Variants in TMEM67 observed in about 807,000 individuals in gnomAD.
TMEM67 encodes meckelin.
Under a neutral mutation model 136.6 loss-of-function variants are expected in TMEM67, and 124 were observed. The observed-to-expected ratio is 0.91, with a 90% CI of 0.78 to 1.05. TMEM67 has a LOEUF of 1.05. Ranked by LOEUF, TMEM67 falls within the 50% of genes least tolerant of loss-of-function variation. TMEM67 has a pLI of 0.00. For missense variants in TMEM67, 1,107 were observed against 1,178.4 expected (o/e 0.94, Z 0.89); for synonymous variants, 364 against 390.5 (o/e 0.93, Z 0.80).
chr8:93,826,123 C>CTTTTTT, the TMEM67 span, among the ~76,000 whole-genome samples: 368 of 52,382 alleles, frequency 7.0e-3, 56 homozygotes, highest in East Asian at 0.012. Flanking sequence ...TTAATCATGT[C>CTTTTTT]TTTTTTTTTT....
At chr8:93,826,277 C>T in the TMEM67 span, among the ~76,000 whole-genome samples, 2 of 151,626 alleles carry the variant, frequency 1.3e-5, no homozygotes, top group African/African-American at 4.8e-5. Flanking sequence ...CTACAGGCGC[C>T]CACCACCGCG....
chr8:93,755,132 C>T lies in TMEM67; in HGVS notation c.218C>T (p.Ala73Val), dbSNP rs774755725. The change falls in exon 1 of 28, where the codon GCC (alanine) becomes GTC (valine). Residue 73 changes from alanine to valine, a missense_variant. By Grantham distance (64) the Ala-to-Val change is moderately conservative (BLOSUM62 0). Coordinates refer to ENST00000453321, the MANE Select transcript of TMEM67 (RefSeq NM_153704.6). Reference protein sequence around the residue: ...VPCGANQRQDARGTSCVCLPG... With the variant: ...VPCGANQRQDVRGTSCVCLPG... ...TGTGGAGCTAACCAGAGGCAAGATG[C>T]CCGAGGTAAGACGGTTTGCGGTGGG... 3 of 1,613,946 alleles carry T rather than the reference C, an allele frequency of 1.9e-6. No homozygotes were observed. Among genetic ancestry groups the T allele is most frequent in the East Asian group, 4.5e-5 (2 of 44,900 alleles).
intron 3 of TMEM67, among the ~76,000 whole-genome samples, chr8:93,763,594 A>G (rs1389262101): frequency 1.3e-5 from 2 of 152,162 alleles, no homozygotes; most frequent in African/African-American, 2.4e-5. Context: ...ATGATTTTCT[A>G]TATTTTACTA....
Position 93,816,430 on chromosome 8 carries a change from T to C in TMEM67, c.2966T>C (p.Val989Ala), listed in dbSNP as rs1172344974. Residue 989 changes from valine (V) to alanine (A), a missense_variant, in exon 28 of 28, where the codon GTG becomes GCG. Around this residue, in one of 3 missense-constraint regions of TMEM67, gnomAD observed 925 missense variants for 1,002.4 expected, o/e 0.92. Coordinates refer to ENST00000453321, the MANE Select transcript of TMEM67 (RefSeq NM_153704.6). ...AAGAATTTGGCATCCAAAACATTGG[T>C]GGATCAAAGATTTTTGATTTAACTT... is the stretch of plus-strand genomic sequence containing the variant. Reference protein sequence around the residue: ...GQKNLASKTLVDQRFLI With the variant: ...GQKNLASKTLADQRFLI The C allele has an allele frequency of 1.9e-6, 3 of 1,596,682 alleles. No homozygotes were observed. Among genetic ancestry groups the C allele is most frequent in the Admixed American group, 3.3e-5 (2 of 59,740 alleles).
At chr8:93,781,555 A>G (rs1231468705) in intron 9 of TMEM67, 103 bp from the exon 10 acceptor site, 12 of 546,728 alleles carry the variant, frequency 2.2e-5, no homozygotes, top group Non-Finnish European at 3.6e-5. Flanking sequence ...AATTGAATGT[A>G]ATTTTTCAAC....
downstream of TMEM67, chr8:93,819,278 C>G (rs1809004873): frequency 2.4e-6 from 1 of 415,924 alleles, no homozygotes; most frequent in African/African-American, 2.1e-5. Context: ...AAATTCTGAG[C>G]CTGCCTTCTT....
At chr8:93,803,350 T>TA (rs2130756447) in intron 21 of TMEM67, among the ~76,000 whole-genome samples, 1 of 152,298 alleles carries the variant, frequency 6.6e-6, no homozygotes, top group African/African-American at 2.4e-5. Flanking sequence ...GTGTTTGTCA[T>TA]AGCTTGTTTT....
chr8:93,824,482 A>G, the TMEM67 span, among the ~76,000 whole-genome samples: 8 of 152,210 alleles, frequency 5.3e-5, no homozygotes, highest in Non-Finnish European at 8.8e-5. Context: ...TGGAACTCCA[A>G]ACCCATTCCT....
chr8:93,790,577 A>C (rs1199758456), intron 14 of TMEM67, among the ~76,000 whole-genome samples: 1 of 152,090 alleles, frequency 6.6e-6, no homozygotes, highest in Non-Finnish European at 1.5e-5. Context: ...TTGCTATTAT[A>C]TCTCTTCTTC....
chr8:93,803,819 G>T, intron 22 of TMEM67, 135 bp downstream of exon 22: 1 of 663,516 alleles, frequency 1.5e-6, no homozygotes. Flanking sequence ...GTTAATTCCA[G>T]AGATAATTAT....
At chr8:93,827,776 T>A in the TMEM67 span, among the ~76,000 whole-genome samples, 1 of 151,504 alleles carries the variant, frequency 6.6e-6, no homozygotes, top group Non-Finnish European at 1.5e-5. Flanking sequence ...TTTTTTTTTT[T>A]ACTATGGAAC....
chr8:93,783,784 G>A (rs959498467), intron 11 of TMEM67, among the ~76,000 whole-genome samples: 2 of 152,122 alleles, frequency 1.3e-5, no homozygotes, highest in African/African-American at 4.8e-5. Flanking sequence ...GAAGTACTGA[G>A]CAAAAGGGGG....
At position 93,797,178 on chromosome 8, in the gene TMEM67, T is replaced by A; in HGVS notation, c.1905T>A (p.Asp635Glu). 3 of 1,613,064 alleles carry A rather than the reference T, an allele frequency of 1.9e-6. No individual in the cohort carries two copies. The highest frequency in any genetic ancestry group is 2.5e-6 in the Non-Finnish European group (3 of 1,179,084). Residue 635 changes from aspartate (D) to glutamate (E), a missense_variant, in exon 19 of 28, where the codon GAT becomes GAA. Physicochemically the swap from Asp to Glu is conservative, Grantham distance 45 (BLOSUM62 2). Transcript: ENST00000453321. ...AGCTCATATCCCAGATTACAATAGA[T>A]GTATTCTTTATTGATTGGGAGCGAC... Reference protein sequence around the residue: ...LHKLISQITIDVFFIDWERPK... With the variant: ...LHKLISQITIEVFFIDWERPK...
intron 16 of TMEM67, among the ~76,000 whole-genome samples, chr8:93,793,619 C>T (rs1171244830): frequency 6.6e-6 from 1 of 152,136 alleles, no homozygotes; most frequent in Non-Finnish European, 1.5e-5. Context: ...ATTTTCATTT[C>T]TCTGTACTCT....
intron 3 of TMEM67, chr8:93,758,989 G>C (rs1394066951): frequency 3.2e-5 from 5 of 155,842 alleles, no homozygotes; most frequent in African/African-American, 1.2e-4. Flanking sequence ...AGTTTTGTCT[G>C]AGTTTTTTAA....
At chr8:93,789,668 ATAT>A (rs1216933504) in intron 14 of TMEM67, among the ~76,000 whole-genome samples, 332 of 11,876 alleles carry the variant, frequency 0.028, 2 homozygotes, top group African/African-American at 0.034. Flanking sequence ...ATATATATAT[ATAT>A]TTTTTTTTTA....
chr8:93,815,858 T>C (rs1353626488), intron 27 of TMEM67, among the ~76,000 whole-genome samples: 3 of 145,638 alleles, frequency 2.1e-5, no homozygotes, highest in Non-Finnish European at 4.6e-5. Context: ...CTCCCCCACC[T>C]GTGTGGATAA....
intron 23 of TMEM67, among the ~76,000 whole-genome samples, chr8:93,807,240 C>G (rs1235375930): frequency 6.6e-6 from 1 of 152,050 alleles, no homozygotes; most frequent in Non-Finnish European, 1.5e-5. Context: ...ATACCAAGAG[C>G]TTTTTAAGGT....
intron 21 of TMEM67, among the ~76,000 whole-genome samples, chr8:93,802,629 C>T (rs1172787485): frequency 6.6e-6 from 1 of 152,216 alleles, no homozygotes; most frequent in Non-Finnish European, 1.5e-5. Flanking sequence ...TTTGTCTAAA[C>T]TCTCCTTGAT....
Sources: allele counts gnomAD v4.1 joint callset (sites outside exome capture counted in the v4.1 genomes callset), GRCh38; gene constraint gnomAD v4.1.1; regional missense constraint gnomAD v4.1.1; transcripts MANE v1.5; gene names NCBI Gene and HGNC (gene_info 2026-07-23, HGNC 2026-07-21).